The following ASTN2 variants were observed in gnomAD, a reference collection of about 807,000 sequenced individuals.
ASTN2 encodes astrotactin-2.
In ASTN2, 54 loss-of-function variants were observed where a neutral mutation model predicts 139.8. The observed-to-expected ratio is 0.39, with a 90% CI of 0.31 to 0.48. The LOEUF is 0.48. ASTN2 is among the 20% of genes least tolerant of loss of function. The probability of loss-of-function intolerance (pLI) is 0.95; values close to 1 mark genes in which losing one functional copy is unlikely to be tolerated. For missense variants in ASTN2, 1,565 were observed against 1,725.1 expected (o/e 0.91, Z 1.64); for synonymous variants, 756 against 719.5 (o/e 1.05, Z -0.81).
At chr9:117,072,545 G>C (rs569207331) in intron 5 of ASTN2, among the ~76,000 whole-genome samples, 10 of 152,284 alleles carry the variant, frequency 6.6e-5, no homozygotes, top group African/African-American at 2.4e-4. Context: ...CAAGGATAGA[G>C]GAAGGAGAAA....
intron 5 of ASTN2, among the ~76,000 whole-genome samples, chr9:117,050,615 G>C (rs938336369): frequency 6.6e-6 from 1 of 152,142 alleles, no homozygotes; most frequent in African/African-American, 2.4e-5. Context: ...GTAAGGAACA[G>C]AGCTAGAATA....
At chr9:117,158,415 T>A (rs143704487) in intron 3 of ASTN2, among the ~76,000 whole-genome samples, 1 of 152,078 alleles carries the variant, frequency 6.6e-6, no homozygotes. Context: ...TATATAAGTA[T>A]GATTTGAGAG....
chr9:116,581,643 C>T (rs1180018558), intron 19 of ASTN2, among the ~76,000 whole-genome samples: 4 of 152,172 alleles, frequency 2.6e-5, no homozygotes, highest in Admixed American at 2.6e-4. Flanking sequence ...CTAATCTTGC[C>T]TCATCTCTAT....
At chr9:116,868,503 G>T (rs977676641) in intron 10 of ASTN2, among the ~76,000 whole-genome samples, 1 of 152,184 alleles carries the variant, frequency 6.6e-6, no homozygotes. Flanking sequence ...AATGGGCAGA[G>T]CCTGAGAGTT....
chr9:116,905,773 G>A (rs906007959), intron 10 of ASTN2, among the ~76,000 whole-genome samples: 2 of 151,330 alleles, frequency 1.3e-5, no homozygotes, highest in Non-Finnish European at 2.9e-5. Flanking sequence ...AAGAGTGGGT[G>A]GCTTAAGGGT....
At chr9:116,716,283 G>A (rs982210697) in intron 16 of ASTN2, among the ~76,000 whole-genome samples, 1 of 152,128 alleles carries the variant, frequency 6.6e-6, no homozygotes, top group Admixed American at 6.6e-5. Context: ...AGGTAATGAT[G>A]CACACACATA....
intron 19 of ASTN2, chr9:116,551,145 A>T (rs1398072549): frequency 1.3e-5 from 2 of 152,186 alleles, no homozygotes; most frequent in Non-Finnish European, 2.9e-5. Flanking sequence ...GAGTGTAAAA[A>T]AATAAAAATT....
intron 19 of ASTN2, among the ~76,000 whole-genome samples, chr9:116,512,746 C>A (rs56821241): frequency 0.012 from 1,818 of 152,272 alleles, 34 homozygotes; most frequent in African/African-American, 0.042. Flanking sequence ...GATCCCTTTG[C>A]CATTATGTAA....
chr9:116,753,571 G>A (rs1829456206), intron 13 of ASTN2, among the ~76,000 whole-genome samples: 2 of 152,078 alleles, frequency 1.3e-5, no homozygotes, highest in South Asian at 4.1e-4. Flanking sequence ...ACTAATGCAT[G>A]GTGAATAATA....
chr9:117,254,478 G>A (rs1833628098), intron 2 of ASTN2, among the ~76,000 whole-genome samples: 1 of 152,136 alleles, frequency 6.6e-6, no homozygotes, highest in Non-Finnish European at 1.5e-5. Context: ...CACCTCTGAA[G>A]GGTGAGACCC....
At chr9:117,245,822 C>T (rs1373794053) in intron 2 of ASTN2, among the ~76,000 whole-genome samples, 1 of 152,126 alleles carries the variant, frequency 6.6e-6, no homozygotes, top group East Asian at 1.9e-4. Context: ...TTCTTTAGGT[C>T]TCTGCTCTTT....
intron 1 of ASTN2, among the ~76,000 whole-genome samples, chr9:117,375,578 G>T (rs527733141): frequency 6.6e-6 from 1 of 152,284 alleles, no homozygotes; most frequent in Non-Finnish European, 1.5e-5. Context: ...CGTATTGCAC[G>T]TGAGGAAATG....
chr9:117,216,258 G>T (rs1452712126), intron 2 of ASTN2, among the ~76,000 whole-genome samples: 1 of 152,166 alleles, frequency 6.6e-6, no homozygotes, highest in Non-Finnish European at 1.5e-5. Context: ...TAGAAAACTG[G>T]CATGTTCTAT....
intron 2 of ASTN2, among the ~76,000 whole-genome samples, chr9:117,260,664 A>T (rs1205853828): frequency 6.6e-6 from 1 of 152,186 alleles, no homozygotes; most frequent in African/African-American, 2.4e-5. Flanking sequence ...CCAGATAGTT[A>T]TACTGTGTAG....
chr9:116,732,837 T>C (rs755157278), intron 14 of ASTN2, among the ~76,000 whole-genome samples: 2 of 152,198 alleles, frequency 1.3e-5, no homozygotes, highest in African/African-American at 2.4e-5. Flanking sequence ...CTGGCAGATA[T>C]GCTGTGTAAC....
intron 4 of ASTN2, among the ~76,000 whole-genome samples, chr9:117,130,404 C>T (rs1268949648): frequency 6.6e-6 from 1 of 152,100 alleles, no homozygotes; most frequent in African/African-American, 2.4e-5. Flanking sequence ...TTATTCCTAT[C>T]ACTTTATCTT....
intron 13 of ASTN2, among the ~76,000 whole-genome samples, chr9:116,780,595 G>A (rs1442033127): frequency 6.6e-6 from 1 of 152,158 alleles, no homozygotes; most frequent in Non-Finnish European, 1.5e-5. Context: ...AGAGAAGGCT[G>A]TAACTGAAGG....
At chr9:116,565,699 T>G (rs1160047282) in intron 19 of ASTN2, among the ~76,000 whole-genome samples, 1 of 151,836 alleles carries the variant, frequency 6.6e-6, no homozygotes, top group Non-Finnish European at 1.5e-5. Context: ...TCCAGGCTGG[T>G]CTTGAACTCC....
intron 16 of ASTN2, among the ~76,000 whole-genome samples, chr9:116,716,263 C>T (rs917214502): frequency 1.3e-4 from 20 of 152,102 alleles, no homozygotes; most frequent in African/African-American, 4.1e-4. Flanking sequence ...GGGATGGTCT[C>T]CAGTGCTTTA....
Sources: gnomAD v4.1 joint callset for allele counts (sites outside exome capture counted in the v4.1 genomes callset) on GRCh38, gnomAD v4.1.1 for gene constraint, MANE v1.5 for transcripts, NCBI Gene and HGNC (gene_info 2026-07-23, HGNC 2026-07-21) for gene names.